The following PSPC1 variants were observed in gnomAD, a reference collection of about 807,000 sequenced individuals.
PSPC1 encodes paraspeckle protein 1.
In PSPC1, 14 loss-of-function variants were observed where a neutral mutation model predicts 51.6. The observed-to-expected ratio is 0.27, with a 90% CI of 0.18 to 0.42. The LOEUF is 0.42. Ranked by LOEUF, PSPC1 falls within the 10% of genes least tolerant of loss-of-function variation. The pLI, the probability that PSPC1 is intolerant of heterozygous loss-of-function variation, is 1.00. For missense variants in PSPC1, 406 were observed against 701.1 expected (o/e 0.58, Z 4.75); for synonymous variants, 193 against 231.9 (o/e 0.83, Z 1.53).
At chr13:19,771,372 A>G (rs966272624) in intron 2 of PSPC1, among the ~76,000 whole-genome samples, 3 of 152,140 alleles carry the variant, frequency 2.0e-5, no homozygotes, top group Non-Finnish European at 4.4e-5. Context: ...TCCTGAGCTC[A>G]GGCAATCCAC....
chr13:19,745,262 T>A (rs1424564849), intron 4 of PSPC1, among the ~76,000 whole-genome samples: 1 of 152,168 alleles, frequency 6.6e-6, no homozygotes, highest in Non-Finnish European at 1.5e-5. Flanking sequence ...CAGGTTGCAG[T>A]GAGCAGAGAT....
intron 6 of PSPC1, among the ~76,000 whole-genome samples, chr13:19,724,115 T>C (rs1256241535): frequency 6.6e-6 from 1 of 152,178 alleles, no homozygotes. Context: ...AAGTTTAGAC[T>C]TCAAAAAACA....
chr13:19,711,960 T>C (rs915113868), intron 6 of PSPC1, among the ~76,000 whole-genome samples: 2 of 152,154 alleles, frequency 1.3e-5, no homozygotes, highest in Admixed American at 6.5e-5. Flanking sequence ...CCAAACCAAA[T>C]TGCCATTTCC....
intron 5 of PSPC1, among the ~76,000 whole-genome samples, chr13:19,732,014 A>T (rs1440696413): frequency 6.6e-6 from 1 of 152,156 alleles, no homozygotes; most frequent in Non-Finnish European, 1.5e-5. Flanking sequence ...CAAATCCTCA[A>T]ATTTCAAGAT....
At chr13:19,764,737 T>TA (rs1887903097) in intron 2 of PSPC1, among the ~76,000 whole-genome samples, 1 of 143,818 alleles carries the variant, frequency 7.0e-6, no homozygotes, top group South Asian at 2.2e-4. Context: ...TTTGCACATG[T>TA]AATTTCTTTT....
chr13:19,706,332 GT>G (rs536322636), intron 7 of PSPC1, among the ~76,000 whole-genome samples: 191 of 144,432 alleles, frequency 1.3e-3, no homozygotes, highest in South Asian at 3.7e-3. Context: ...TCTCATCTTA[GT>G]TTTTTTTTTT....
At chr13:19,720,025 A>G (rs1173002489) in intron 6 of PSPC1, among the ~76,000 whole-genome samples, 2 of 152,210 alleles carry the variant, frequency 1.3e-5, no homozygotes, top group African/African-American at 4.8e-5. Flanking sequence ...TTTCAAGATT[A>G]CCAGTTTCAA....
Position 19,676,409 on chromosome 13 carries a change from ACTT to A in PSPC1, c.*76+1312_*76+1314del, listed in dbSNP as rs1473446927. ...CCTGAGAACCAAAGCCTGAGATTTA[ACTT>A]TCTAGAGCTGGGTACAGTATGCAAA... On this transcript the variant is annotated intron_variant and NMD_transcript_variant, in intron 7 of 7. Coordinates refer to the PSPC1 transcript ENST00000471658. Among the ~76,000 whole-genome samples the A allele has an allele frequency of 4.6e-5, 7 of 152,182 alleles. 1 individual carries two copies. In the East Asian group the frequency reaches 9.6e-4, roughly 21 times the overall value.
At chr13:19,710,085 A>C (rs1881200801) in intron 6 of PSPC1, among the ~76,000 whole-genome samples, 1 of 152,096 alleles carries the variant, frequency 6.6e-6, no homozygotes, top group South Asian at 2.1e-4. Flanking sequence ...TACAATCTTC[A>C]TTGTCTAAAT....
intron 6 of PSPC1, among the ~76,000 whole-genome samples, chr13:19,714,770 C>G (rs1008539344): frequency 3.3e-5 from 5 of 152,074 alleles, no homozygotes; most frequent in Admixed American, 6.6e-5. Flanking sequence ...GCTGTGATTA[C>G]AGGTGTGAGC....
intron 5 of PSPC1, 131 bp downstream of exon 5, chr13:19,741,434 T>C (rs1370908193): frequency 3.3e-6 from 2 of 610,588 alleles, no homozygotes; most frequent in East Asian, 2.8e-5. Flanking sequence ...AGTAATTCAC[T>C]GTATGTGGTT....
chr13:19,770,806 G>A (rs1888549631), intron 2 of PSPC1, among the ~76,000 whole-genome samples: 1 of 151,812 alleles, frequency 6.6e-6, no homozygotes, highest in Non-Finnish European at 1.5e-5. Flanking sequence ...GGCTGAGGAA[G>A]GAGAATTGCT....
At chr13:19,687,909 A>G (rs547437551) in intron 6 of PSPC1, among the ~76,000 whole-genome samples, 9 of 151,578 alleles carry the variant, frequency 5.9e-5, no homozygotes, top group Non-Finnish European at 8.8e-5. Flanking sequence ...AAGATTTTAG[A>G]TTTGTTTTCC....
intron 6 of PSPC1, among the ~76,000 whole-genome samples, chr13:19,710,319 A>G (rs1881236214): frequency 6.6e-6 from 1 of 152,222 alleles, no homozygotes; most frequent in Admixed American, 6.5e-5. Flanking sequence ...TGCTTCCTAA[A>G]AGCTGTTCAT....
At chr13:19,757,363 C>G (rs1339988504) in intron 3 of PSPC1, among the ~76,000 whole-genome samples, 1 of 152,090 alleles carries the variant, frequency 6.6e-6, no homozygotes, top group African/African-American at 2.4e-5. Flanking sequence ...AAGAAACTAC[C>G]CTGCCTCCAT....
chr13:19,756,790 C>T (rs980200829), intron 3 of PSPC1, among the ~76,000 whole-genome samples: 5 of 152,032 alleles, frequency 3.3e-5, no homozygotes, highest in South Asian at 2.1e-4. Flanking sequence ...CCACTGTGCC[C>T]GGCCCTAAGA....
At chr13:19,779,954 G>A in intron 1 of PSPC1, among the ~76,000 whole-genome samples, 2 of 143,226 alleles carry the variant, frequency 1.4e-5, no homozygotes, top group East Asian at 2.2e-4. Flanking sequence ...GTCCGGGAGG[G>A]AGGTGGGGGG....
chr13:19,706,855 T>TA (rs1430241847), intron 7 of PSPC1, among the ~76,000 whole-genome samples: 1 of 152,148 alleles, frequency 6.6e-6, no homozygotes, highest in African/African-American at 2.4e-5. Flanking sequence ...GCTGAGTCCT[T>TA]ACCAGCCCCT....
intron 5 of PSPC1, among the ~76,000 whole-genome samples, chr13:19,736,410 A>G (rs1285593211): frequency 1.3e-5 from 2 of 152,094 alleles, no homozygotes; most frequent in South Asian, 2.1e-4. Context: ...CAGGCCACGC[A>G]CAGTGGCTCA....
Sources: gnomAD v4.1 joint callset for allele counts (sites outside exome capture counted in the v4.1 genomes callset) on GRCh38, gnomAD v4.1.1 for gene constraint, MANE v1.5 for transcripts, NCBI Gene and HGNC (gene_info 2026-07-23, HGNC 2026-07-21) for gene names.